BCAR3: variants seen among roughly 807,000 people sequenced by gnomAD.
BCAR3 encodes BCAR3 adaptor protein, NSP family member.
BCAR3 carries 37 observed loss-of-function variants against 80.1 expected under a neutral mutation model. The observed-to-expected ratio is 0.46, with a 90% CI of 0.36 to 0.61. The LOEUF (loss-of-function observed/expected upper bound fraction) is 0.61. BCAR3 is among the 20% of genes least tolerant of loss of function. The pLI is 0.00. For synonymous variants in BCAR3, 389 were observed against 418.9 expected, an observed-to-expected ratio of 0.93 and a Z score of 0.87; for missense variants, 978 against 1,068.2, an observed-to-expected ratio of 0.92 and a Z score of 1.18.
At chr1:93,607,779 T>A (rs544513863) in intron 3 of BCAR3, among the ~76,000 whole-genome samples, 1 of 152,282 alleles carries the variant, frequency 6.6e-6, no homozygotes, top group South Asian at 2.1e-4. Flanking sequence ...AGTCCCCTGA[T>A]CCAGGGCTGG....
At chr1:93,732,208 T>C (rs1650813565) in intron 2 of BCAR3, among the ~76,000 whole-genome samples, 1 of 152,232 alleles carries the variant, frequency 6.6e-6, no homozygotes, top group South Asian at 2.1e-4. Flanking sequence ...GGGTGAAACC[T>C]GTTCCTAGAC....
chr1:93,697,129 C>A (rs548664657), intron 3 of BCAR3, among the ~76,000 whole-genome samples: 1 of 152,344 alleles, frequency 6.6e-6, no homozygotes, highest in African/African-American at 2.4e-5. Flanking sequence ...CCTCTCCTGG[C>A]TATTGGCAAA....
intron 2 of BCAR3, among the ~76,000 whole-genome samples, chr1:93,651,127 G>A (rs1389953214): frequency 6.6e-6 from 1 of 152,192 alleles, no homozygotes; most frequent in African/African-American, 2.4e-5. Context: ...AGAACCAAAA[G>A]GAAGAGGAAC....
intron 3 of BCAR3, among the ~76,000 whole-genome samples, chr1:93,620,271 A>G (rs1675268581): frequency 6.6e-6 from 1 of 152,208 alleles, no homozygotes; most frequent in South Asian, 2.1e-4. Context: ...GCCTTAAAAT[A>G]TATGTTACTC....
intron 2 of BCAR3, among the ~76,000 whole-genome samples, chr1:93,799,982 A>C (rs1335985971): frequency 6.6e-6 from 1 of 152,208 alleles, no homozygotes; most frequent in Non-Finnish European, 1.5e-5. Flanking sequence ...ATGATGGGGA[A>C]TCACAATCTT....
chr1:93,781,361 G>A lies in BCAR3; in HGVS notation c.-63+64206C>T, dbSNP rs553948701. ...ACAACCTGGATTTGATACACAGGCCGTAATTTGCTGACCCTCAGTGTGTGC... is the reference window on the plus strand; with the variant it reads ...ACAACCTGGATTTGATACACAGGCCATAATTTGCTGACCCTCAGTGTGTGC... On this transcript the variant is annotated intron_variant, in intron 2 of 13. Coordinates refer to the BCAR3 transcript ENST00000370244. 1.1e-3 allele frequency among the ~76,000 whole-genome samples: 171 copies of A among 152,252 alleles called. 2 individuals carry two copies. The highest frequency in any genetic ancestry group is 5.4e-3 in the Admixed American group (82 of 15,292).
upstream of BCAR3, among the ~76,000 whole-genome samples, chr1:93,686,215 C>A (rs867964984): frequency 3.3e-5 from 5 of 152,158 alleles, no homozygotes; most frequent in Non-Finnish European, 4.4e-5. Flanking sequence ...AGGTAAAAGG[C>A]CAAAGTTATT....
At chr1:93,609,715 C>T (rs1459899541) in intron 3 of BCAR3, among the ~76,000 whole-genome samples, 1 of 152,226 alleles carries the variant, frequency 6.6e-6, no homozygotes, top group Non-Finnish European at 1.5e-5. Flanking sequence ...GGCCTGCCAG[C>T]GGCCACTCCC....
chr1:93,729,296 C>T (rs1357302191), intron 2 of BCAR3, among the ~76,000 whole-genome samples: 1 of 151,802 alleles, frequency 6.6e-6, no homozygotes, highest in Non-Finnish European at 1.5e-5. Context: ...AAAACACTCA[C>T]GTTAGCCTAG....
chr1:93,728,099 A>G (rs1650655917), intron 2 of BCAR3, among the ~76,000 whole-genome samples: 3 of 152,244 alleles, frequency 2.0e-5, no homozygotes, highest in South Asian at 4.1e-4. Context: ...ATCCCCACTG[A>G]CACTTTGATG....
chr1:93,823,330 A>G (rs1241834848), intron 2 of BCAR3, among the ~76,000 whole-genome samples: 1 of 133,608 alleles, frequency 7.5e-6, no homozygotes, highest in African/African-American at 2.5e-5. Flanking sequence ...TAAAGCAGGA[A>G]GTCCCATGGT....
intron 3 of BCAR3, chr1:93,613,939 C>G (rs1329047561): frequency 2.6e-6 from 4 of 1,550,280 alleles, no homozygotes; most frequent in Non-Finnish European, 1.7e-6. Context: ...ATCTTTCGGT[C>G]TTCAGTCCCG....
intron 3 of BCAR3, chr1:93,613,938 T>G (rs754407406): frequency 1.7e-4 from 259 of 1,550,220 alleles, no homozygotes; most frequent in Non-Finnish European, 2.2e-4. Context: ...CATCTTTCGG[T>G]CTTCAGTCCC....
intron 2 of BCAR3, among the ~76,000 whole-genome samples, chr1:93,644,357 T>C (rs1028006022): frequency 6.6e-6 from 1 of 152,224 alleles, no homozygotes; most frequent in East Asian, 1.9e-4. Context: ...AACCTGAACA[T>C]TTCCTTTCTA....
Position 93,592,675 on chromosome 1 carries a change from A to G in BCAR3, c.358-282T>C, listed in dbSNP as rs901527273. On this transcript the variant is annotated intron_variant, in intron 3 of 11. Coordinates refer to ENST00000260502, the MANE Select transcript of BCAR3 (RefSeq NM_003567.4). The surrounding 1 kb of genome is among the most constrained non-coding windows in gnomAD (Gnocchi z 4.8). ...CAGCTGGGCAGGAAGGGCCAGAGAG[A>G]TGTACAGACAGCAAGACACAGCAGC... Among the ~76,000 whole-genome samples, 2 of 151,946 alleles carry G rather than the reference A, an allele frequency of 1.3e-5. No individual in the cohort carries two copies. The highest frequency in any genetic ancestry group is 4.8e-5 in the African/African-American group (2 of 41,368).
intron 2 of BCAR3, among the ~76,000 whole-genome samples, chr1:93,782,651 T>C (rs536020558): frequency 5.3e-5 from 8 of 152,184 alleles, no homozygotes; most frequent in African/African-American, 7.2e-5. Context: ...GCCAGGCACC[T>C]CTGGGGTCAG....
At chr1:93,666,046 A>G (rs1647896731) in intron 2 of BCAR3, among the ~76,000 whole-genome samples, 1 of 152,134 alleles carries the variant, frequency 6.6e-6, no homozygotes. Flanking sequence ...GTACTTTTAC[A>G]ACCACCTCCT....
intron 2 of BCAR3, among the ~76,000 whole-genome samples, chr1:93,729,844 A>G (rs1650720472): frequency 1.2e-4 from 19 of 152,216 alleles, no homozygotes; most frequent in Admixed American, 1.2e-3. Flanking sequence ...ATCAGCTTGC[A>G]CTAAAATAAC....
intron 2 of BCAR3, among the ~76,000 whole-genome samples, chr1:93,662,978 T>C (rs1196204071): frequency 6.6e-6 from 1 of 152,132 alleles, no homozygotes. Flanking sequence ...CAACATCACA[T>C]GATTTGATGA....
Sources: gnomAD v4.1 joint callset for allele counts (sites outside exome capture counted in the v4.1 genomes callset) on GRCh38, gnomAD v4.1.1 for gene constraint, Gnocchi (gnomAD v3.1) non-coding constraint, MANE v1.5 for transcripts, NCBI Gene and HGNC (gene_info 2026-07-23, HGNC 2026-07-21) for gene names.